The following KSR1 variants were observed in gnomAD, a reference collection of about 807,000 sequenced individuals.
The protein encoded by KSR1 is kinase suppressor of ras.
A neutral mutation model predicts 92.9 loss-of-function variants in KSR1; 35 were observed. That is an observed-to-expected ratio of 0.38 (90% CI 0.29 to 0.50). KSR1 has a LOEUF of 0.50. Ranked by LOEUF, KSR1 falls within the 20% of genes least tolerant of loss-of-function variation. The probability of loss-of-function intolerance (pLI) is 0.94; values close to 1 mark genes in which losing one functional copy is unlikely to be tolerated. For missense variants in KSR1, 972 were observed against 1,158.5 expected, an observed-to-expected ratio of 0.84 and a Z score of 2.34; for synonymous variants, 467 against 472.6, an observed-to-expected ratio of 0.99 and a Z score of 0.15.
chr17:27,596,392 A>G (rs1271572891), intron 9 of KSR1, among the ~76,000 whole-genome samples: 7 of 152,276 alleles, frequency 4.6e-5, no homozygotes, highest in African/African-American at 1.4e-4. Context: ...CTTCCTAAAG[A>G]TGTCTCACTA....
chr17:27,472,876 A>G (rs1218522378), intron 1 of KSR1, among the ~76,000 whole-genome samples: 2 of 152,178 alleles, frequency 1.3e-5, no homozygotes, highest in African/African-American at 4.8e-5. Flanking sequence ...TCAGGGCCCT[A>G]TCCCTTCCTC....
Position 27,585,960 on chromosome 17 carries a change from ACT to A in KSR1, c.985+303_985+304del, listed in dbSNP as rs1806798755. On this transcript the variant is annotated intron_variant, in intron 5 of 20. Transcript: ENST00000644974. ...CTCCACCTTGCCCTTCCCCACCGAGACTCTCCAGCAGGGACTCTGGCCTGCTG... is the reference window on the plus strand; with the variant it reads ...CTCCACCTTGCCCTTCCCCACCGAGACTCCAGCAGGGACTCTGGCCTGCTG... 6.6e-6 allele frequency: 3 copies of A among 451,366 alleles called. No individual in the cohort carries two copies. In the South Asian group the frequency reaches 8.5e-5, roughly 13 times the overall value. The allele number at this position is 451,366 out of a possible 1,614,324, so 28.0% of individuals were successfully genotyped here. A position where few individuals can be genotyped will look rare whatever the true frequency, so the allele number is the denominator to read the frequency against.
intron 15 of KSR1, 22 bp from the exon 16 acceptor site, chr17:27,609,174 C>T (rs1441572133): frequency 1.9e-6 from 3 of 1,604,248 alleles, no homozygotes; most frequent in Non-Finnish European, 2.6e-6. Context: ...CACATCTTCA[C>T]TCCTCCTGAT....
intron 1 of KSR1, among the ~76,000 whole-genome samples, chr17:27,473,984 G>A (rs12452983): frequency 0.34 from 51,816 of 152,002 alleles, 9,878 homozygotes; most frequent in African/African-American, 0.51. Flanking sequence ...CAAAGACCTC[G>A]TTTACTCACA....
chr17:27,561,296 A>G (rs2071817576), intron 2 of KSR1, among the ~76,000 whole-genome samples: 1 of 152,144 alleles, frequency 6.6e-6, no homozygotes, highest in African/African-American at 2.4e-5. Flanking sequence ...AAATGAATTG[A>G]CTGCCTGCCT....
At chr17:27,561,028 G>C (rs2071806233) in intron 2 of KSR1, among the ~76,000 whole-genome samples, 2 of 152,176 alleles carry the variant, frequency 1.3e-5, no homozygotes, top group Admixed American at 1.3e-4. Flanking sequence ...GTATCACCTG[G>C]CCAGTCAGGA....
At chr17:27,622,755 A>G (rs1165133350) in intron 20 of KSR1, 4 of 162,274 alleles carry the variant, frequency 2.5e-5, no homozygotes, top group Non-Finnish European at 4.0e-5. Context: ...TGTCAAGAGC[A>G]TGGCTGCTGA....
chr17:27,459,643 C>A lies in KSR1; in HGVS notation c.231+2769C>A, dbSNP rs528231965. Among the ~76,000 whole-genome samples the A allele has an allele frequency of 3.3e-5, 5 of 152,386 alleles. No homozygotes were observed. Among genetic ancestry groups the A allele is most frequent in the African/African-American group, 1.2e-4 (5 of 41,592 alleles). Reference sequence around the variant, plus strand: ...GGATTCCTGGCTTTTGAAGAAGGATCTGACCTGGAGGGCTTGGCCTGTGCA... The same window carrying A: ...GGATTCCTGGCTTTTGAAGAAGGATATGACCTGGAGGGCTTGGCCTGTGCA... On this transcript the variant is annotated intron_variant, in intron 1 of 20. Transcript: ENST00000644974. The surrounding 1 kb of genome is among the most constrained non-coding windows in gnomAD (Gnocchi z 4.6).
chr17:27,581,734 C>G lies in KSR1; in HGVS notation c.521-912C>G, dbSNP rs189897244. On this transcript the variant is annotated intron_variant, in intron 3 of 20. Coordinates refer to ENST00000644974, the MANE Select transcript of KSR1 (RefSeq NM_001394583.1). The stretch of plus-strand genomic sequence containing the variant: ...ATGTGCCTGTCATGCCCATTCGACT[C>G]TACAAGCACAAGGATGGGTCTTTTT... Among the ~76,000 whole-genome samples, 10 of 152,284 alleles carry G rather than the reference C, an allele frequency of 6.6e-5. No individual in the cohort carries two copies. In the East Asian group the frequency reaches 1.9e-3, roughly 29 times the overall value.
chr17:27,474,815 A>G (rs962845838), intron 1 of KSR1, among the ~76,000 whole-genome samples: 3 of 152,052 alleles, frequency 2.0e-5, no homozygotes, highest in African/African-American at 7.2e-5. Flanking sequence ...AGTAAATATC[A>G]CCTGGAATCC....
chr17:27,604,086 T>C (rs955220052), intron 12 of KSR1, among the ~76,000 whole-genome samples, 198 bp downstream of exon 12: 1 of 152,030 alleles, frequency 6.6e-6, no homozygotes, highest in Non-Finnish European at 1.5e-5. Context: ...CAACATTGGG[T>C]GGGGCCGCAT....
At chr17:27,457,841 A>T (rs996055475) in intron 1 of KSR1, among the ~76,000 whole-genome samples, 1 of 151,984 alleles carries the variant, frequency 6.6e-6, no homozygotes, top group Admixed American at 6.6e-5. Context: ...GCCCTGCCAC[A>T]TCTGGCCTCC....
intron 2 of KSR1, among the ~76,000 whole-genome samples, chr17:27,571,198 G>A (rs1320881356): frequency 6.6e-6 from 1 of 152,164 alleles, no homozygotes; most frequent in Non-Finnish European, 1.5e-5. Flanking sequence ...GCTGGGCCCG[G>A]AACTGGCCAC....
At chr17:27,501,296 T>C (rs2069178310) in intron 1 of KSR1, among the ~76,000 whole-genome samples, 5 of 127,410 alleles carry the variant, frequency 3.9e-5, no homozygotes, top group South Asian at 2.7e-4. Flanking sequence ...TTTCTTCTTT[T>C]TTTTTTTTTT....
intron 2 of KSR1, among the ~76,000 whole-genome samples, chr17:27,556,290 T>C (rs2071592769): frequency 6.6e-6 from 1 of 152,120 alleles, no homozygotes; most frequent in Admixed American, 6.5e-5. Flanking sequence ...TCCTGGCTCA[T>C]TGCAGCTTCA....
At chr17:27,564,332 C>G (rs1039608158) in intron 2 of KSR1, among the ~76,000 whole-genome samples, 1 of 152,172 alleles carries the variant, frequency 6.6e-6, no homozygotes, top group Non-Finnish European at 1.5e-5. Flanking sequence ...GATAGATGGA[C>G]AAATGGAAGA....
intron 2 of KSR1, among the ~76,000 whole-genome samples, chr17:27,573,351 T>C (rs544487160): frequency 6.6e-6 from 1 of 152,350 alleles, no homozygotes; most frequent in East Asian, 1.9e-4. Flanking sequence ...TTGCCATTGC[T>C]GCCGTTGGGT....
chr17:27,619,816 G>A (rs185169859), intron 19 of KSR1, among the ~76,000 whole-genome samples: 8 of 152,094 alleles, frequency 5.3e-5, no homozygotes, highest in East Asian at 3.9e-4. Flanking sequence ...GGGTTCAAGC[G>A]ATTCTCATGC....
intron 2 of KSR1, among the ~76,000 whole-genome samples, chr17:27,562,070 T>G (rs775032090): frequency 1.3e-5 from 2 of 152,198 alleles, no homozygotes; most frequent in Non-Finnish European, 2.9e-5. Context: ...AGTCTTGAAC[T>G]CTAGTCCTCA....
Sources: allele counts gnomAD v4.1 joint callset (sites outside exome capture counted in the v4.1 genomes callset), GRCh38; gene constraint gnomAD v4.1.1; non-coding constraint Gnocchi (gnomAD v3.1); transcripts MANE v1.5; gene names NCBI Gene and HGNC (gene_info 2026-07-23, HGNC 2026-07-21).